Variants in NR3C1 observed in about 807,000 individuals in gnomAD.
The protein encoded by NR3C1 is nuclear receptor subfamily 3 group C member 1, also known as glucocorticoid receptor.
In NR3C1, 14 loss-of-function variants were observed where a neutral mutation model predicts 74.0. The ratio of observed to expected loss-of-function variants is 0.19; its 90% confidence interval spans 0.12 to 0.30. NR3C1 has a LOEUF of 0.30. NR3C1 is among the 10% of genes least tolerant of loss of function. The pLI is 1.00. For synonymous variants in NR3C1, 308 were observed against 332.5 expected (o/e 0.93, Z 0.80); for missense variants, 695 against 909.8 (o/e 0.76, Z 3.04).
chr5:143,389,712 G>C (rs1837895023), intron 2 of NR3C1, among the ~76,000 whole-genome samples: 1 of 152,158 alleles, frequency 6.6e-6, no homozygotes, highest in Admixed American at 6.5e-5. Flanking sequence ...AAAATGTAGT[G>C]CCCATCCACA....
At chr5:143,421,370 T>A (rs1751222676) in intron 1 of NR3C1, among the ~76,000 whole-genome samples, 1 of 152,186 alleles carries the variant, frequency 6.6e-6, no homozygotes. Flanking sequence ...CGGGTTTGAA[T>A]CTGGTTCTGC....
At chr5:143,355,599 A>G (rs957030049) in intron 2 of NR3C1, among the ~76,000 whole-genome samples, 5 of 152,196 alleles carry the variant, frequency 3.3e-5, no homozygotes, top group Admixed American at 3.3e-4. Context: ...AAATACATTG[A>G]AAGTAGGGCA....
intron 2 of NR3C1, among the ~76,000 whole-genome samples, chr5:143,379,304 A>C (rs1330223940): frequency 2.6e-5 from 4 of 152,216 alleles, no homozygotes; most frequent in Non-Finnish European, 4.4e-5. Flanking sequence ...GGTTCAGGTG[A>C]ATCAATCATT....
At position 143,399,889 on chromosome 5, in the gene NR3C1, A is replaced by C. The variant is rs761028271; in HGVS notation, c.951T>G (p.Ser317=). 2.5e-6 allele frequency: 4 copies of C among 1,614,180 alleles called. No individual in the cohort carries two copies. The South Asian group carries it at 4.4e-5, about 18-fold the overall frequency. The change falls in exon 2 of 9, where the codon TCT becomes TCG. Residue 317 remains serine (S), a synonymous_variant. Transcript: ENST00000394464. ...TACTCACACCATGAACAGAAATGGC[A>C]GACATTTTATTACCAATTATATTTG... is the stretch of plus-strand genomic sequence containing the variant. ...PGANIIGNKM[S]AISVHGVSTS... is the part of the protein sequence containing the mutation.
At chr5:143,401,113 G>A in intron 1 of NR3C1, 1 of 489,868 alleles carries the variant, frequency 2.0e-6, no homozygotes, top group Non-Finnish European at 3.7e-6. Context: ...AACTAAGCTT[G>A]GCTATTCATC....
At chr5:143,310,925 G>A (rs1479264443) in intron 3 of NR3C1, among the ~76,000 whole-genome samples, 1 of 152,170 alleles carries the variant, frequency 6.6e-6, no homozygotes, top group Non-Finnish European at 1.5e-5. Flanking sequence ...CGATGTGCTG[G>A]GATTACAGGC....
intron 2 of NR3C1, among the ~76,000 whole-genome samples, chr5:143,362,509 C>T (rs1369111036): frequency 2.0e-5 from 3 of 151,798 alleles, no homozygotes; most frequent in Admixed American, 6.6e-5. Context: ...TACAGGCGCC[C>T]GCCACCACAG....
intron 1 of NR3C1, among the ~76,000 whole-genome samples, chr5:143,412,037 T>A (rs1328185858): frequency 6.6e-6 from 1 of 152,052 alleles, no homozygotes; most frequent in Non-Finnish European, 1.5e-5. Flanking sequence ...AGAGATGGAC[T>A]TCCAGGAACT....
At chr5:143,338,863 G>GC (rs1827679259) in intron 2 of NR3C1, among the ~76,000 whole-genome samples, 1 of 152,090 alleles carries the variant, frequency 6.6e-6, no homozygotes, top group Admixed American at 6.5e-5. Flanking sequence ...ATGACTCACA[G>GC]CAACTTCCAA....
At chr5:143,289,364 A>C (rs557337938) in intron 7 of NR3C1, among the ~76,000 whole-genome samples, 49 of 152,314 alleles carry the variant, frequency 3.2e-4, no homozygotes, top group Non-Finnish European at 5.1e-4. Context: ...AAAGAGAGTC[A>C]AGTTCTGGAG....
At chr5:143,391,317 A>C (rs1329418460) in intron 2 of NR3C1, among the ~76,000 whole-genome samples, 1 of 152,186 alleles carries the variant, frequency 6.6e-6, no homozygotes, top group African/African-American at 2.4e-5. Flanking sequence ...CAATAAAGAA[A>C]ACAAGTCAGT....
At chr5:143,361,723 C>T (rs1008436068) in intron 2 of NR3C1, among the ~76,000 whole-genome samples, 2 of 152,158 alleles carry the variant, frequency 1.3e-5, no homozygotes, top group Admixed American at 6.5e-5. Flanking sequence ...TCCTAGATGT[C>T]CCACGAATAA....
At chr5:143,340,466 T>C (rs1827969578) in intron 2 of NR3C1, among the ~76,000 whole-genome samples, 2 of 148,856 alleles carry the variant, frequency 1.3e-5, no homozygotes, top group Non-Finnish European at 3.0e-5. Context: ...TAGTTATCTC[T>C]TTAAAGATGA....
chr5:143,371,194 G>A (rs1306599064), intron 2 of NR3C1, among the ~76,000 whole-genome samples: 1 of 151,882 alleles, frequency 6.6e-6, no homozygotes, highest in Non-Finnish European at 1.5e-5. Context: ...ATAATATTAG[G>A]TGGCTCCCTG....
intron 2 of NR3C1, among the ~76,000 whole-genome samples, chr5:143,380,768 C>T (rs201574730): frequency 6.6e-6 from 1 of 152,266 alleles, no homozygotes; most frequent in African/African-American, 2.4e-5. Flanking sequence ...AATGGTACCA[C>T]AAGTTAAAGT....
intron 2 of NR3C1, among the ~76,000 whole-genome samples, chr5:143,322,168 G>C (rs1823521094): frequency 6.6e-6 from 1 of 152,162 alleles, no homozygotes; most frequent in Non-Finnish European, 1.5e-5. Flanking sequence ...AGACCTAAGA[G>C]GTGGGTACTA....
At chr5:143,305,116 C>A (rs754034774) in intron 4 of NR3C1, among the ~76,000 whole-genome samples, 1 of 152,064 alleles carries the variant, frequency 6.6e-6, no homozygotes, top group African/African-American at 2.4e-5. Context: ...AAAATATTTG[C>A]AAACTATGCA....
At chr5:143,404,451 C>T (rs1840933286), upstream of NR3C1, 4 of 985,170 alleles carry the variant, frequency 4.1e-6, no homozygotes, top group South Asian at 1.4e-4. Flanking sequence ...CTTCAGCTGC[C>T]GCCGCCGCGC....
chr5:143,434,461 G>T, intron 1 of NR3C1: 1 of 832,632 alleles, frequency 1.2e-6, no homozygotes, highest in Non-Finnish European at 1.4e-6. Context: ...ACCTCTGAGT[G>T]ACCTTTAACA....
Sources: allele counts gnomAD v4.1 joint callset (sites outside exome capture counted in the v4.1 genomes callset), GRCh38; gene constraint gnomAD v4.1.1; transcripts MANE v1.5; gene names NCBI Gene and HGNC (gene_info 2026-07-23, HGNC 2026-07-21).